The following ATP8A2 variants were observed in gnomAD, a reference collection of about 807,000 sequenced individuals.
ATP8A2 encodes ATPase phospholipid transporting 8A2.
A neutral mutation model predicts 165.6 loss-of-function variants in ATP8A2; 100 were observed. The observed-to-expected ratio is 0.60, with a 90% CI of 0.51 to 0.71. ATP8A2 has a LOEUF of 0.71. Ranked by LOEUF, ATP8A2 falls within the 30% of genes least tolerant of loss-of-function variation. The pLI is 0.00. For synonymous variants in ATP8A2, 543 were observed against 548.8 expected (o/e 0.99, Z 0.15); for missense variants, 1,227 against 1,479.5 (o/e 0.83, Z 2.80).
chr13:25,591,299 A>G (rs964075599), intron 24 of ATP8A2: 21 of 456,510 alleles, frequency 4.6e-5, no homozygotes, highest in African/African-American at 3.8e-4. Flanking sequence ...CCCTTTGAAC[A>G]ACTACTCTCC....
chr13:25,688,509 T>G (rs2042653749), intron 24 of ATP8A2, among the ~76,000 whole-genome samples: 1 of 152,240 alleles, frequency 6.6e-6, no homozygotes, highest in Non-Finnish European at 1.5e-5. Flanking sequence ...ACTTACTGAT[T>G]TTTAAAGTTT....
At chr13:25,946,916 T>G (rs1347641741) in intron 33 of ATP8A2, among the ~76,000 whole-genome samples, 1 of 152,044 alleles carries the variant, frequency 6.6e-6, no homozygotes, top group Non-Finnish European at 1.5e-5. Flanking sequence ...CCTGGCCAGT[T>G]TTTGTATTTT....
intron 33 of ATP8A2, among the ~76,000 whole-genome samples, chr13:25,959,552 T>A (rs1955608282): frequency 6.6e-6 from 1 of 152,234 alleles, no homozygotes; most frequent in Non-Finnish European, 1.5e-5. Flanking sequence ...GTGTACCTCA[T>A]CTAGGGGTGA....
chr13:25,373,644 C>G (rs948716703), intron 1 of ATP8A2, among the ~76,000 whole-genome samples: 3 of 152,134 alleles, frequency 2.0e-5, no homozygotes, highest in African/African-American at 7.2e-5. Context: ...AAGATGCCCC[C>G]AAGGGTTTTG....
intron 16 of ATP8A2, among the ~76,000 whole-genome samples, chr13:25,567,831 G>A (rs1380737238): frequency 1.3e-5 from 2 of 152,126 alleles, no homozygotes; most frequent in Non-Finnish European, 2.9e-5. Flanking sequence ...TTTTCTTTGG[G>A]GAGATGTGGG....
At chr13:25,463,471 A>G (rs1156369337) in intron 1 of ATP8A2, among the ~76,000 whole-genome samples, 1 of 152,140 alleles carries the variant, frequency 6.6e-6, no homozygotes, top group Admixed American at 6.5e-5. Context: ...AATTTCAAAA[A>G]CCTGTCAGCA....
chr13:25,620,258 CAG>C (rs2040935080), intron 24 of ATP8A2, among the ~76,000 whole-genome samples: 1 of 152,116 alleles, frequency 6.6e-6, no homozygotes, highest in African/African-American at 2.4e-5. Flanking sequence ...ATTGCTTCCT[CAG>C]AGAGAGAGGT....
chr13:25,800,687 C>A (rs1461501067), intron 27 of ATP8A2, among the ~76,000 whole-genome samples: 2 of 152,112 alleles, frequency 1.3e-5, no homozygotes, highest in African/African-American at 4.8e-5. Context: ...GAAGTAACTC[C>A]CTGGGCGATC....
At chr13:25,974,249 G>A (rs1265586386) in intron 35 of ATP8A2, among the ~76,000 whole-genome samples, 5 of 152,344 alleles carry the variant, frequency 3.3e-5, no homozygotes, top group South Asian at 2.1e-4. Flanking sequence ...CTATGTAGAT[G>A]TTCAGGAAGC....
chr13:25,431,795 G>T (rs2034621665), intron 1 of ATP8A2, among the ~76,000 whole-genome samples: 1 of 151,994 alleles, frequency 6.6e-6, no homozygotes, highest in Non-Finnish European at 1.5e-5. Flanking sequence ...ATTCATTTTA[G>T]TATATTCACA....
chr13:25,562,373 TA>T (rs1169158875), intron 15 of ATP8A2, among the ~76,000 whole-genome samples: 1 of 152,194 alleles, frequency 6.6e-6, no homozygotes, highest in East Asian at 1.9e-4. Context: ...GTTTCCCTTA[TA>T]AATGGTGATG....
At chr13:25,983,761 G>A (rs76748279) in intron 35 of ATP8A2, among the ~76,000 whole-genome samples, 1,601 of 152,280 alleles carry the variant, frequency 0.011, 23 homozygotes, top group African/African-American at 0.036. Flanking sequence ...GTCAAGCTGA[G>A]CATTGAAGAA....
chr13:26,020,938 C>G lies in ATP8A2; in HGVS notation c.*953C>G, dbSNP rs1033753969. 5.3e-5 allele frequency: 8 copies of G among 152,308 alleles called. No homozygotes were observed. The highest frequency in any genetic ancestry group is 1.3e-4 in the Admixed American group (2 of 15,288). 9.4% of individuals were successfully genotyped at this position (152,308 alleles called of 1,614,324 possible). ...TGGTGGTAGAACCCCTTCAGGACTC[C>G]CAGCCGTGGTCAGGCTCTGAATACT... On this transcript the variant is annotated 3_prime_UTR_variant, in exon 37 of 37. Coordinates refer to ENST00000381655, the MANE Select transcript of ATP8A2 (RefSeq NM_016529.6).
chr13:25,679,841 G>C (rs1242799680), intron 24 of ATP8A2, among the ~76,000 whole-genome samples: 1 of 152,096 alleles, frequency 6.6e-6, no homozygotes, highest in African/African-American at 2.4e-5. Context: ...TCTATAGATT[G>C]AGTTGAGAAC....
At chr13:25,830,957 T>C (rs1951447613) in intron 28 of ATP8A2, among the ~76,000 whole-genome samples, 1 of 152,202 alleles carries the variant, frequency 6.6e-6, no homozygotes, top group African/African-American at 2.4e-5. Context: ...TCTTAATCCA[T>C]ATTCCAGTTT....
intron 36 of ATP8A2, among the ~76,000 whole-genome samples, chr13:26,014,308 T>C (rs1048622964): frequency 6.6e-6 from 1 of 152,224 alleles, no homozygotes; most frequent in South Asian, 2.1e-4. Context: ...ACAACAATTA[T>C]AGCCAAGGAA....
At chr13:25,899,263 G>A (rs1953662222) in intron 33 of ATP8A2, among the ~76,000 whole-genome samples, 1 of 152,212 alleles carries the variant, frequency 6.6e-6, no homozygotes, top group African/African-American at 2.4e-5. Context: ...TAGAGCAAGG[G>A]CAGCTTGGGA....
chr13:25,788,989 A>G (rs1012964431), intron 27 of ATP8A2, among the ~76,000 whole-genome samples: 4 of 152,206 alleles, frequency 2.6e-5, no homozygotes, highest in African/African-American at 9.7e-5. Context: ...ATGAAAACTG[A>G]TGTACTTGTT....
At position 25,426,174 on chromosome 13, in the gene ATP8A2, G is replaced by A. The variant is rs140709249; in HGVS notation, c.77-42803G>A. ...GACTGGGTAATTTATAGATAAAAGA[G>A]GTTTAACTGGCTCACAGATCTGCAC... On this transcript the variant is annotated intron_variant, in intron 1 of 36. Transcript: ENST00000381655. 4.7e-3 allele frequency among the ~76,000 whole-genome samples: 718 copies of A among 152,214 alleles called. 2 individuals carry two copies. Among genetic ancestry groups the A allele is most frequent in the African/African-American group, 9.2e-3 (381 of 41,542 alleles).
Sources: allele counts gnomAD v4.1 joint callset (sites outside exome capture counted in the v4.1 genomes callset), GRCh38; gene constraint gnomAD v4.1.1; transcripts MANE v1.5; gene names NCBI Gene and HGNC (gene_info 2026-07-23, HGNC 2026-07-21).